Variants in SLCO1A2 observed in about 807,000 individuals in gnomAD.
SLCO1A2 encodes solute carrier organic anion transporter family member 1A2.
SLCO1A2 carries 67 observed loss-of-function variants against 69.0 expected under a neutral mutation model. The ratio of observed to expected loss-of-function variants is 0.97; its 90% CI spans 0.80 to 1.19. The LOEUF (loss-of-function observed/expected upper bound fraction) is 1.19. Ranked by LOEUF, SLCO1A2 falls within the 50% of genes most tolerant of loss-of-function variation. The pLI is 0.00. For synonymous variants in SLCO1A2, 260 were observed against 265.9 expected, an observed-to-expected ratio of 0.98 and a Z score of 0.22; for missense variants, 787 against 793.7, an observed-to-expected ratio of 0.99 and a Z score of 0.10.
chr12:21,379,420 G>T (rs377514165), intron 1 of SLCO1A2: 1 of 152,260 alleles, frequency 6.6e-6, no homozygotes, highest in East Asian at 1.9e-4. Context: ...CTTATGCAGG[G>T]TATTGCGAAA....
chr12:21,285,299 C>T (rs1238056280), intron 12 of SLCO1A2, among the ~76,000 whole-genome samples: 1 of 152,146 alleles, frequency 6.6e-6, no homozygotes, highest in Non-Finnish European at 1.5e-5. Context: ...TCTCCCAAGA[C>T]TAAACAAGGA....
intron 3 of SLCO1A2, among the ~76,000 whole-genome samples, chr12:21,316,440 T>C (rs529511552): frequency 5.3e-5 from 8 of 152,264 alleles, no homozygotes; most frequent in African/African-American, 1.4e-4. Flanking sequence ...AGCGTCTAAA[T>C]TTGTTAGTGC....
intron 2 of SLCO1A2, chr12:21,373,668 CA>C (rs748128579): frequency 2.1e-4 from 145 of 701,118 alleles, no homozygotes; most frequent in Non-Finnish European, 2.6e-4. Flanking sequence ...CCAGTTTTGT[CA>C]AGAAATATAC....
chr12:21,281,377 G>T (rs1944759984), intron 12 of SLCO1A2, among the ~76,000 whole-genome samples: 1 of 151,942 alleles, frequency 6.6e-6, no homozygotes, highest in South Asian at 2.1e-4. Flanking sequence ...TTAAAACCAG[G>T]AGGCAGAGGT....
intron 8 of SLCO1A2, among the ~76,000 whole-genome samples, chr12:21,298,999 G>A (rs1164768770): frequency 6.6e-6 from 1 of 152,062 alleles, no homozygotes; most frequent in Non-Finnish European, 1.5e-5. Flanking sequence ...CAACATAAAA[G>A]TACTAACACT....
chr12:21,330,361 A>AT (rs1952529279), intron 2 of SLCO1A2, among the ~76,000 whole-genome samples: 5 of 151,734 alleles, frequency 3.3e-5, no homozygotes, highest in African/African-American at 9.7e-5. Context: ...AAATAAATAA[A>AT]AAAGCTTGGC....
chr12:21,347,465 G>C (rs927956565), intron 2 of SLCO1A2, among the ~76,000 whole-genome samples: 2 of 152,110 alleles, frequency 1.3e-5, no homozygotes, highest in Admixed American at 1.3e-4. Context: ...AGCCAACATG[G>C]TGAAACCCCC....
intron 1 of SLCO1A2, among the ~76,000 whole-genome samples, chr12:21,404,630 C>T (rs1159354740): frequency 2.0e-5 from 3 of 152,162 alleles, no homozygotes; most frequent in African/African-American, 7.2e-5. Context: ...TTTATCCAGT[C>T]TATCACTGAT....
At chr12:21,281,135 A>G (rs767955247) in intron 12 of SLCO1A2, among the ~76,000 whole-genome samples, 2 of 152,140 alleles carry the variant, frequency 1.3e-5, no homozygotes, top group East Asian at 3.9e-4. Context: ...GCCTACATCA[A>G]AAAAGAAGAA....
chr12:21,277,991 C>A (rs545324954), intron 12 of SLCO1A2, among the ~76,000 whole-genome samples: 1 of 152,204 alleles, frequency 6.6e-6, no homozygotes, highest in East Asian at 1.9e-4. Context: ...TGAACCTGCC[C>A]TCCTGGGCCA....
At chr12:21,272,710 C>A (rs1190286128) in intron 14 of SLCO1A2, among the ~76,000 whole-genome samples, 11 of 151,854 alleles carry the variant, frequency 7.2e-5, no homozygotes, top group Non-Finnish European at 1.2e-4. Context: ...TTTGAAAAGT[C>A]CAATATAAAA....
chr12:21,410,216 C>T (rs1009086085), intron 1 of SLCO1A2, among the ~76,000 whole-genome samples: 6 of 152,228 alleles, frequency 3.9e-5, no homozygotes, highest in East Asian at 1.9e-4. Flanking sequence ...ACTAGTCTTC[C>T]GCTTATCATT....
intron 4 of SLCO1A2, among the ~76,000 whole-genome samples, chr12:21,311,305 T>C (rs1218776006): frequency 6.6e-6 from 1 of 152,162 alleles, no homozygotes; most frequent in African/African-American, 2.4e-5. Flanking sequence ...CTTTTCAAAA[T>C]TCCTGTTAAT....
At chr12:21,290,479 G>C (rs1196190650) in intron 12 of SLCO1A2, among the ~76,000 whole-genome samples, 1 of 152,120 alleles carries the variant, frequency 6.6e-6, no homozygotes, top group Non-Finnish European at 1.5e-5. Flanking sequence ...TAAATCTGTG[G>C]AGCAGAATAA....
rs1809555104 is a variant in SLCO1A2, at chr12:21,294,029, A to T, written c.1353T>A (p.Asp451Glu). The T allele has an allele frequency of 1.9e-6, 3 of 1,612,648 alleles. No homozygotes were observed. The highest frequency in any genetic ancestry group is 2.5e-6 in the Non-Finnish European group (3 of 1,179,342). ...VDCNCPSKIW[D>E]PVCGNNGLSY... ...ACAAGCCATTGTTTCCACACACAGG[A>T]TCCCATATTTTAGATGGACAGTTGC... Residue 451 changes from aspartate to glutamate, a missense_variant, in exon 11 of 15, where the codon GAT (aspartate) becomes GAA (glutamate). By Grantham distance (45) the Asp-to-Glu change is conservative. Transcript: ENST00000683939.
In SLCO1A2 at chr12:21,274,732, GTTAC is replaced by G. The variant is rs1943487759; in HGVS notation, c.1676-150_1676-147del. 4 of 728,152 alleles carry G rather than the reference GTTAC, an allele frequency of 5.5e-6. No individual in the cohort carries two copies. In the South Asian group the frequency reaches 6.6e-5, roughly 12 times the overall value. 45.1% of individuals were successfully genotyped at this position (728,152 alleles called of 1,614,324 possible). On this transcript the variant is annotated intron_variant, in intron 13 of 14. Transcript: ENST00000683939. ...TAAATTTTATTTTTAGAAATGATGA[GTTAC>G]TTTTACTGTAAAGTTTCTAAATTAT...
At chr12:21,275,914 C>G (rs1000702972) in intron 12 of SLCO1A2, among the ~76,000 whole-genome samples, 4 of 151,824 alleles carry the variant, frequency 2.6e-5, no homozygotes, top group African/African-American at 9.7e-5. Flanking sequence ...TGCACTCCAG[C>G]CTGGGTGATA....
At chr12:21,400,907 C>T (rs868170674) in intron 1 of SLCO1A2, among the ~76,000 whole-genome samples, 26 of 143,142 alleles carry the variant, frequency 1.8e-4, no homozygotes, top group African/African-American at 4.6e-4. Flanking sequence ...GGGATAGCAT[C>T]GGGAGATATA....
At chr12:21,417,520 A>G (rs1424685916) in intron 1 of SLCO1A2, among the ~76,000 whole-genome samples, 1 of 151,148 alleles carries the variant, frequency 6.6e-6, no homozygotes, top group Non-Finnish European at 1.5e-5. Context: ...AAATATTGAA[A>G]ATAATTGCCT....
Sources: gnomAD v4.1 joint callset for allele counts (sites outside exome capture counted in the v4.1 genomes callset) on GRCh38, gnomAD v4.1.1 for gene constraint, MANE v1.5 for transcripts, NCBI Gene and HGNC (gene_info 2026-07-23, HGNC 2026-07-21) for gene names.